ANO2: variants seen among roughly 807,000 people sequenced by gnomAD.
ANO2 encodes anoctamin-2.
A neutral mutation model predicts 124.2 loss-of-function variants in ANO2; 101 were observed. The ratio of observed to expected loss-of-function variants is 0.81; its 90% CI spans 0.69 to 0.96. The LOEUF is 0.96. ANO2 is among the 40% of genes least tolerant of loss of function. The pLI, the probability that ANO2 is intolerant of heterozygous loss-of-function variation, is 0.00. For synonymous variants in ANO2, 486 were observed against 482.5 expected (o/e 1.01, Z -0.09); for missense variants, 1,293 against 1,274.5 (o/e 1.01, Z -0.22).
At chr12:5,827,965 G>GCTT in intron 6 of ANO2, 145 bp from the exon 7 acceptor site, 1 of 806,606 alleles carries the variant, frequency 1.2e-6, no homozygotes, top group African/African-American at 1.7e-5. Context: ...CCTGGCTCAT[G>GCTT]GCCCGCACAT....
At chr12:5,565,019 G>A (rs1941667407) in intron 24 of ANO2, among the ~76,000 whole-genome samples, 1 of 152,132 alleles carries the variant, frequency 6.6e-6, no homozygotes, top group Non-Finnish European at 1.5e-5. Context: ...TTGGAGCTGT[G>A]GCTATTGTCC....
At chr12:5,916,916 G>T (rs1300718507) in intron 3 of ANO2, among the ~76,000 whole-genome samples, 1 of 152,176 alleles carries the variant, frequency 6.6e-6, no homozygotes. Flanking sequence ...TCCCAGCACA[G>T]ATCATAATAA....
intron 20 of ANO2, among the ~76,000 whole-genome samples, chr12:5,585,118 C>T (rs1237615514): frequency 6.6e-6 from 1 of 151,878 alleles, no homozygotes; most frequent in Non-Finnish European, 1.5e-5. Context: ...CACCAGCAGA[C>T]CCATGGAGGC....
intron 3 of ANO2, among the ~76,000 whole-genome samples, chr12:5,867,128 C>T (rs755782201): frequency 1.3e-5 from 2 of 152,248 alleles, no homozygotes; most frequent in Admixed American, 6.5e-5. Context: ...ATTACTCCTT[C>T]ATAGCAGAGA....
chr12:5,635,209 C>T lies in ANO2; in HGVS notation c.1759G>A (p.Val587Ile). ...TAGATCTCGTCCAGGATGAGGATGACCACGAGGTTGATGATGACTGCTGTT... is the reference window on the plus strand; with the variant it reads ...TAGATCTCGTCCAGGATGAGGATGATCACGAGGTTGATGATGACTGCTGTT... ...TATAVIINLVVILILDEIYGA... is the reference protein window; with the variant it reads ...TATAVIINLVIILILDEIYGA... The change falls in exon 16 of 25, where the codon GTC becomes ATC. Residue 587 changes from valine (V) to isoleucine (I), a missense_variant. Val to Ile is a conservative substitution (Grantham distance 29). Coordinates refer to ENST00000682330, the MANE Select transcript of ANO2 (RefSeq NM_001364791.2). The surrounding 1 kb of genome is among the most constrained non-coding windows in gnomAD (Gnocchi z 5.2). The T allele has an allele frequency of 6.2e-7, 1 of 1,610,872 alleles. No individual in the cohort carries two copies. Among genetic ancestry groups the T allele is most frequent in the Non-Finnish European group, 8.5e-7 (1 of 1,178,890 alleles).
chr12:5,614,170 A>G (rs1298379024), intron 17 of ANO2, among the ~76,000 whole-genome samples: 1 of 152,234 alleles, frequency 6.6e-6, no homozygotes, highest in African/African-American at 2.4e-5. Flanking sequence ...AATATTTATC[A>G]AAGTGATTTT....
chr12:5,829,336 G>A (rs985194406), intron 6 of ANO2, among the ~76,000 whole-genome samples: 4 of 152,066 alleles, frequency 2.6e-5, no homozygotes, highest in South Asian at 4.2e-4. Flanking sequence ...AAAATGGGAC[G>A]TTAATGCCTT....
intron 14 of ANO2, among the ~76,000 whole-genome samples, chr12:5,670,979 G>A (rs1179179100): frequency 6.6e-6 from 1 of 152,074 alleles, no homozygotes; most frequent in Admixed American, 6.5e-5. Context: ...GTCGTGTCTA[G>A]AGCCCAGGTT....
chr12:5,762,265 T>A (rs896449980), intron 10 of ANO2, among the ~76,000 whole-genome samples: 19 of 152,016 alleles, frequency 1.2e-4, no homozygotes, highest in African/African-American at 4.6e-4. Flanking sequence ...TACTTTTGGC[T>A]TCTTATTACA....
At chr12:5,625,104 A>G (rs1451082843) in intron 16 of ANO2, among the ~76,000 whole-genome samples, 1 of 152,234 alleles carries the variant, frequency 6.6e-6, no homozygotes, top group African/African-American at 2.4e-5. Context: ...AGCCACAGGA[A>G]GTACAACGGG....
chr12:5,670,319 A>G (rs1947932596), intron 14 of ANO2, among the ~76,000 whole-genome samples: 1 of 152,122 alleles, frequency 6.6e-6, no homozygotes, highest in Admixed American at 6.5e-5. Context: ...TGTGTTAGAT[A>G]CTCTGGAGGG....
chr12:5,806,239 G>C (rs1953188711), intron 8 of ANO2, 146 bp from the exon 9 acceptor site: 2 of 793,342 alleles, frequency 2.5e-6, no homozygotes, highest in African/African-American at 3.6e-5. Context: ...GGCATGGTAA[G>C]GGGCTGATAT....
intron 7 of ANO2, among the ~76,000 whole-genome samples, chr12:5,808,611 A>C (rs768740835): frequency 6.6e-6 from 1 of 152,138 alleles, no homozygotes; most frequent in African/African-American, 2.4e-5. Context: ...TTCCAAAGAG[A>C]CTGTAGACTG....
At chr12:5,874,959 GT>G (rs921929720) in intron 3 of ANO2, among the ~76,000 whole-genome samples, 26 of 152,300 alleles carry the variant, frequency 1.7e-4, no homozygotes, top group African/African-American at 5.8e-4. Flanking sequence ...GTGAATTCTG[GT>G]AAAATTTTAT....
intron 15 of ANO2, 104 bp downstream of exon 15, chr12:5,647,623 C>T: frequency 2.0e-6 from 2 of 980,538 alleles, no homozygotes; most frequent in African/African-American, 1.6e-5. Flanking sequence ...TTCCCCTTTA[C>T]CAGCCTCTCA....
chr12:5,941,276 C>T (rs1171977531), intron 1 of ANO2, among the ~76,000 whole-genome samples: 2 of 152,058 alleles, frequency 1.3e-5, no homozygotes, highest in African/African-American at 2.4e-5. Flanking sequence ...CTCAATAAAG[C>T]TGTTTTTCAA....
At chr12:5,928,292 C>T (rs1942181810) in intron 1 of ANO2, among the ~76,000 whole-genome samples, 1 of 152,298 alleles carries the variant, frequency 6.6e-6, no homozygotes, top group African/African-American at 2.4e-5. Context: ...CCACCTCCAT[C>T]CCCAACCTCC....
chr12:5,577,862 G>C (rs1440750050), intron 22 of ANO2, 93 bp downstream of exon 22: 1 of 1,265,798 alleles, frequency 7.9e-7, no homozygotes, highest in Non-Finnish European at 1.1e-6. Context: ...GAAAAGGCTG[G>C]GAGGTGCAAG....
chr12:5,663,587 G>C (rs1253506878), intron 14 of ANO2, among the ~76,000 whole-genome samples: 1 of 152,136 alleles, frequency 6.6e-6, no homozygotes, highest in Non-Finnish European at 1.5e-5. Context: ...GGGAACACCT[G>C]AGACCCAGGC....
Sources: allele counts gnomAD v4.1 joint callset (sites outside exome capture counted in the v4.1 genomes callset), GRCh38; gene constraint gnomAD v4.1.1; non-coding constraint Gnocchi (gnomAD v3.1); transcripts MANE v1.5; gene names NCBI Gene and HGNC (gene_info 2026-07-23, HGNC 2026-07-21).